GATA4: variants seen among roughly 807,000 people sequenced by gnomAD.
GATA4 encodes the protein GATA binding protein 4.
Under a neutral mutation model 37.9 loss-of-function variants are expected in GATA4, and 7 were observed. The observed-to-expected ratio is 0.18, with a 90% CI of 0.11 to 0.35. GATA4 has a LOEUF of 0.35. Ranked by LOEUF, GATA4 falls within the 10% of genes least tolerant of loss-of-function variation. The pLI is 1.00. For synonymous variants in GATA4, 372 were observed against 292.6 expected, an observed-to-expected ratio of 1.27 and a Z score of -2.77; for missense variants, 647 against 653.0, an observed-to-expected ratio of 0.99 and a Z score of 0.10.
At chr8:11,722,838 C>G (rs941293807) in intron 2 of GATA4, among the ~76,000 whole-genome samples, 2 of 152,174 alleles carry the variant, frequency 1.3e-5, no homozygotes, top group African/African-American at 4.8e-5. Context: ...GCCACCATTC[C>G]TTCTTCATTT....
intron 2 of GATA4, among the ~76,000 whole-genome samples, chr8:11,725,848 G>A (rs956753961): frequency 6.6e-6 from 1 of 152,152 alleles, no homozygotes; most frequent in African/African-American, 2.4e-5. Flanking sequence ...TGGCGGGAAA[G>A]GGGCCTGGGC....
intron 2 of GATA4, among the ~76,000 whole-genome samples, chr8:11,717,771 C>T (rs367768534): frequency 1.3e-5 from 2 of 152,206 alleles, no homozygotes; most frequent in African/African-American, 4.8e-5. Flanking sequence ...GGAGCAATGT[C>T]GTCCTACGGA....
chr8:11,757,171 G>A, intron 6 of GATA4, 88 bp downstream of exon 6: 1 of 1,557,422 alleles, frequency 6.4e-7, no homozygotes, highest in Non-Finnish European at 8.7e-7. Context: ...GGTGGGACTT[G>A]CAGCCAGGCC....
intron 1 of GATA4, among the ~76,000 whole-genome samples, chr8:11,695,980 A>G (rs74757369): frequency 1.3e-5 from 2 of 152,304 alleles, no homozygotes; most frequent in Non-Finnish European, 2.9e-5. Context: ...TCACTTTTCT[A>G]ACATATTTTA....
chr8:11,704,569 C>G (rs554595047), intron 1 of GATA4, among the ~76,000 whole-genome samples: 4 of 152,378 alleles, frequency 2.6e-5, no homozygotes, highest in African/African-American at 4.8e-5. Context: ...TGAACGCTTT[C>G]AATCCCTGTC....
At chr8:11,690,991 C>G (rs1450448478), upstream of GATA4, among the ~76,000 whole-genome samples, 1 of 152,320 alleles carries the variant, frequency 6.6e-6, no homozygotes, top group South Asian at 2.1e-4. Flanking sequence ...TTGGCTCCAC[C>G]ACCTTATAAG....
chr8:11,694,812 T>C (rs992031879), intron 1 of GATA4, among the ~76,000 whole-genome samples: 13 of 152,146 alleles, frequency 8.5e-5, no homozygotes, highest in African/African-American at 3.1e-4. Flanking sequence ...TATCAAGAAC[T>C]CTGGGAAGAG....
chr8:11,735,758 T>G (rs979435904), intron 2 of GATA4, among the ~76,000 whole-genome samples: 1 of 152,120 alleles, frequency 6.6e-6, no homozygotes, highest in Non-Finnish European at 1.5e-5. Flanking sequence ...ATGGGGTTTC[T>G]CCATGTTGGT....
At chr8:11,704,597 C>T (rs752754661) in intron 1 of GATA4, among the ~76,000 whole-genome samples, 3 of 152,236 alleles carry the variant, frequency 2.0e-5, no homozygotes, top group Admixed American at 6.5e-5. Context: ...GCACATTCTC[C>T]AACCCTTGTT....
intron 2 of GATA4, among the ~76,000 whole-genome samples, chr8:11,713,525 G>A (rs960289824): frequency 1.3e-5 from 2 of 151,944 alleles, no homozygotes; most frequent in African/African-American, 4.8e-5. Flanking sequence ...GATGGAAGAG[G>A]GTTCTGGAAA....
chr8:11,756,967 A>G lies in GATA4; in HGVS notation c.1033A>G (p.Ser345Gly). The G allele has an allele frequency of 1.2e-6, 2 of 1,614,222 alleles. No homozygotes were observed. Among genetic ancestry groups the G allele is most frequent in the Non-Finnish European group, 1.7e-6 (2 of 1,180,050 alleles). Reference sequence around the variant, plus strand: ...AGGCAGTGAGAGCCTTCCTCCCGCCAGCGGTGCTTCCAGCAACTCCAGCAA... The same window carrying G: ...AGGCAGTGAGAGCCTTCCTCCCGCCGGCGGTGCTTCCAGCAACTCCAGCAA... The part of the protein sequence containing the change: ...PSGSESLPPA[S>G]GASSNSSNAT... Residue 345 changes from serine (S) to glycine (G), a missense_variant, in exon 6 of 7, where the codon AGC becomes GGC. By Grantham distance (56) the Ser-to-Gly change is moderately conservative. Coordinates refer to ENST00000532059, the MANE Select transcript of GATA4 (RefSeq NM_001308093.3).
chr8:11,738,825 C>T (rs913024875), intron 2 of GATA4, among the ~76,000 whole-genome samples: 2 of 152,198 alleles, frequency 1.3e-5, no homozygotes, highest in Non-Finnish European at 2.9e-5. Context: ...ATGACTGAGG[C>T]AAGCTGGGAG....
chr8:11,736,496 G>T (rs1386756516), intron 2 of GATA4, among the ~76,000 whole-genome samples: 1 of 152,222 alleles, frequency 6.6e-6, no homozygotes, highest in Admixed American at 6.5e-5. Flanking sequence ...GCCAGGGGCG[G>T]ACCCCGTTCA....
At chr8:11,697,544 C>G (rs1799541736) in intron 1 of GATA4, 1 of 985,228 alleles carries the variant, frequency 1.0e-6, no homozygotes. Context: ...GTGGAGGCCA[C>G]TTTCCCCTCC....
At chr8:11,741,528 A>T (rs1801739630) in intron 2 of GATA4, among the ~76,000 whole-genome samples, 1 of 152,118 alleles carries the variant, frequency 6.6e-6, no homozygotes, top group South Asian at 2.1e-4. Context: ...GCAACAGTCC[A>T]CAAGTTCGCG....
At chr8:11,733,432 A>G (rs1006403350) in intron 2 of GATA4, among the ~76,000 whole-genome samples, 2 of 152,264 alleles carry the variant, frequency 1.3e-5, no homozygotes, top group African/African-American at 4.8e-5. Context: ...AAGCTAAAGC[A>G]GTGATGTTCA....
intron 4 of GATA4, among the ~76,000 whole-genome samples, chr8:11,753,797 T>G (rs1802420294): frequency 6.6e-6 from 1 of 152,208 alleles, no homozygotes; most frequent in Non-Finnish European, 1.5e-5. Context: ...GAAGCAGTAA[T>G]TGCTTTTCTT....
intron 4 of GATA4, among the ~76,000 whole-genome samples, chr8:11,752,266 C>T (rs988942563): frequency 6.6e-6 from 1 of 152,118 alleles, no homozygotes; most frequent in Admixed American, 6.5e-5. Flanking sequence ...CACACACACA[C>T]AAATATACAC....
chr8:11,692,395 T>C (rs553928103), upstream of GATA4: 33 of 542,062 alleles, frequency 6.1e-5, no homozygotes, highest in East Asian at 4.4e-3. Context: ...TATACGCAGG[T>C]GTATTTACGT....
Sources: allele counts gnomAD v4.1 joint callset (sites outside exome capture counted in the v4.1 genomes callset), GRCh38; gene constraint gnomAD v4.1.1; transcripts MANE v1.5; gene names NCBI Gene and HGNC (gene_info 2026-07-23, HGNC 2026-07-21).